The following MED12L variants were observed in gnomAD, a reference collection of about 807,000 sequenced individuals.
MED12L encodes mediator complex subunit 12L.
In MED12L, 60 loss-of-function variants were observed where a neutral mutation model predicts 281.3. The observed-to-expected ratio is 0.21, with a 90% CI of 0.17 to 0.26. The LOEUF is 0.26. Among genes scored for constraint, MED12L ranks in the 10% least tolerant of loss-of-function variants. MED12L has a pLI of 1.00. For synonymous variants in MED12L, 974 were observed against 987.2 expected, an observed-to-expected ratio of 0.99 and a Z score of 0.25; for missense variants, 2,146 against 2,680.9, an observed-to-expected ratio of 0.80 and a Z score of 4.41.
At chr3:151,385,333 T>TAGA in intron 36 of MED12L, 142 bp downstream of exon 36, 1 of 525,868 alleles carries the variant, frequency 1.9e-6, no homozygotes, top group Non-Finnish European at 3.3e-6. Flanking sequence ...TAAGTGTACT[T>TAGA]AGTCATTGGC....
At chr3:151,193,258 T>C (rs566764603) in intron 15 of MED12L, among the ~76,000 whole-genome samples, 1 of 152,306 alleles carries the variant, frequency 6.6e-6, no homozygotes, top group South Asian at 2.1e-4. Flanking sequence ...ATTTCTTATG[T>C]GTGTGGTTGT....
intron 2 of MED12L, among the ~76,000 whole-genome samples, chr3:151,109,951 A>T (rs1474858914): frequency 6.6e-6 from 1 of 152,156 alleles, no homozygotes; most frequent in African/African-American, 2.4e-5. Context: ...TTGGGATCTT[A>T]GTTGCCTCAC....
At chr3:151,102,432 T>G (rs547515937) in intron 2 of MED12L, among the ~76,000 whole-genome samples, 40 of 152,294 alleles carry the variant, frequency 2.6e-4, no homozygotes, top group African/African-American at 8.9e-4. Flanking sequence ...TTAGCCCGTT[T>G]CTGAATAATT....
intron 16 of MED12L, among the ~76,000 whole-genome samples, chr3:151,311,210 T>A (rs1463727): frequency 0.83 from 125,815 of 152,104 alleles, 52,355 homozygotes; most frequent in African/African-American, 0.93. Context: ...TTGAGTACAT[T>A]TTAGCATTTC....
At chr3:151,225,443 T>C (rs1730297176) in intron 16 of MED12L, among the ~76,000 whole-genome samples, 4 of 152,192 alleles carry the variant, frequency 2.6e-5, no homozygotes, top group Admixed American at 2.6e-4. Context: ...CAAGTGAGCA[T>C]GTGAGACCAA....
intron 39 of MED12L, among the ~76,000 whole-genome samples, chr3:151,397,642 C>T (rs1183971880): frequency 3.9e-5 from 6 of 152,154 alleles, no homozygotes; most frequent in Admixed American, 6.5e-5. Context: ...GTTTTAATAT[C>T]TGTTGCTGGG....
chr3:151,351,281 A>G (rs2150025358), intron 17 of MED12L, among the ~76,000 whole-genome samples: 1 of 152,266 alleles, frequency 6.6e-6, no homozygotes, highest in East Asian at 2.0e-4. Flanking sequence ...GAAACATGGT[A>G]CAAGAGGCAG....
At chr3:151,166,740 A>G (rs1432785677) in intron 11 of MED12L, among the ~76,000 whole-genome samples, 3 of 151,728 alleles carry the variant, frequency 2.0e-5, no homozygotes, top group African/African-American at 7.3e-5. Context: ...CAGTGGTGCA[A>G]TCTCGGCTCA....
chr3:151,201,706 C>T (rs924933972), intron 16 of MED12L, among the ~76,000 whole-genome samples: 3 of 152,288 alleles, frequency 2.0e-5, no homozygotes, highest in Admixed American at 6.5e-5. Context: ...ATGTCCTTGG[C>T]GACCATGAAT....
intron 16 of MED12L, among the ~76,000 whole-genome samples, chr3:151,237,337 T>C (rs1446147477): frequency 3.4e-5 from 3 of 89,414 alleles, no homozygotes; most frequent in African/African-American, 1.3e-4. Context: ...CACGCCTGGC[T>C]TTTTTTTTTT....
chr3:151,279,289 A>G (rs75309667), intron 16 of MED12L, among the ~76,000 whole-genome samples: 497 of 152,362 alleles, frequency 3.3e-3, no homozygotes, highest in Middle Eastern at 0.014. Flanking sequence ...CCTTAAAAAC[A>G]TAGCTATACA....
rs568959797 is a variant in MED12L at position 151,402,343 on chromosome 3, T to C, written c.5821-6900T>C. Among the ~76,000 whole-genome samples, 5 of 152,322 alleles carry C rather than the reference T, an allele frequency of 3.3e-5. No homozygotes were observed. In the South Asian group the frequency reaches 1.0e-3, roughly 32 times the overall value. ...TTTCCCCAGGTATTCAGTTGACTTT[T>C]CCTAAATCAGATTACCTTTTAGTGT... On this transcript the variant is annotated intron_variant, in intron 39 of 44. Coordinates refer to ENST00000687756, the MANE Select transcript of MED12L (RefSeq NM_001393769.1).
At chr3:151,188,226 T>C (rs1355147425) in intron 12 of MED12L, 128 bp from the exon 13 acceptor site, 1 of 668,108 alleles carries the variant, frequency 1.5e-6, no homozygotes, top group Non-Finnish European at 2.5e-6. Flanking sequence ...CTTAAATAAG[T>C]ACAGACATAT....
At chr3:151,420,175 C>T (rs759786168) in intron 43 of MED12L, among the ~76,000 whole-genome samples, 1 of 152,140 alleles carries the variant, frequency 6.6e-6, no homozygotes, top group Non-Finnish European at 1.5e-5. Flanking sequence ...CACTAAGAGA[C>T]GCCCTAATGG....
intron 15 of MED12L, 69 bp downstream of exon 15, chr3:151,192,723 C>T (rs1576929917): frequency 1.1e-6 from 1 of 948,268 alleles, no homozygotes; most frequent in Middle Eastern, 2.0e-4. Flanking sequence ...CTGTCTCGAT[C>T]CTTCTGTGTT....
intron 16 of MED12L, among the ~76,000 whole-genome samples, chr3:151,277,718 C>T (rs1742126684): frequency 6.6e-6 from 1 of 152,188 alleles, no homozygotes; most frequent in South Asian, 2.1e-4. Context: ...CAAATATTTG[C>T]TATGCCTAGG....
rs1358530443 is a variant in MED12L, at chr3:151,158,690, A to C, written c.728A>C (p.Glu243Ala). The C allele has an allele frequency of 1.9e-6, 3 of 1,598,310 alleles. No individual in the cohort carries two copies. The East Asian group carries it at 6.7e-5, about 36-fold the overall frequency. The change falls in exon 7 of 45, where the codon GAA (glutamate) becomes GCA (alanine). Residue 243 changes from glutamate to alanine, a missense_variant and splice_region_variant. This residue lies in a region of MED12L where 722 missense variants were observed against 861.2 expected (regional missense o/e 0.84). Coordinates refer to ENST00000687756, the MANE Select transcript of MED12L (RefSeq NM_001393769.1). ...NEKLAFHMFQEGMLEKHEYLT... is the reference protein window; with the variant it reads ...NEKLAFHMFQAGMLEKHEYLT... ...GTAATTTTTCTTTGTTCATTTAAGG[A>C]AGGAATGTTAGAAAAACACGAATAT...
At position 151,434,468 on chromosome 3, in the gene MED12L, CA is replaced by C. The variant is rs1345620994; in HGVS notation, c.*1668del. The C allele has an allele frequency of 2.6e-5, 4 of 152,102 alleles. No homozygotes were observed. The highest frequency in any genetic ancestry group is 9.7e-5 in the African/African-American group (4 of 41,416). The allele number at this position is 152,102 out of a possible 1,614,324, so 9.4% of individuals were successfully genotyped here. A position where few individuals can be genotyped will look rare whatever the true frequency, so the allele number is the denominator to read the frequency against. On this transcript the variant is annotated 3_prime_UTR_variant, in exon 45 of 45. Coordinates refer to ENST00000687756, the MANE Select transcript of MED12L (RefSeq NM_001393769.1). Reference sequence around the variant, plus strand: ...TACTCTGGGCTGGAAAAGACTTTGCCAAAACATTAAAAACTATTCTTTTCAC... The same window carrying C: ...TACTCTGGGCTGGAAAAGACTTTGCCAAACATTAAAAACTATTCTTTTCAC...
chr3:151,323,864 G>A (rs1487592296), intron 16 of MED12L, among the ~76,000 whole-genome samples: 2 of 152,206 alleles, frequency 1.3e-5, no homozygotes, highest in African/African-American at 4.8e-5. Context: ...CTCAAGTGCT[G>A]GAGGGACCCC....
Sources: allele counts gnomAD v4.1 joint callset (sites outside exome capture counted in the v4.1 genomes callset), GRCh38; gene constraint gnomAD v4.1.1; regional missense constraint gnomAD v4.1.1; transcripts MANE v1.5; gene names NCBI Gene and HGNC (gene_info 2026-07-23, HGNC 2026-07-21).